Variants in ZNF845 observed in about 807,000 individuals in gnomAD.
The protein encoded by ZNF845 is zinc finger protein 845.
In ZNF845, 59 loss-of-function variants were observed where a neutral mutation model predicts 76.1. The ratio of observed to expected loss-of-function variants is 0.78; its 90% confidence interval spans 0.63 to 0.96. The LOEUF (loss-of-function observed/expected upper bound fraction) is 0.96. Ranked by LOEUF, ZNF845 falls within the 40% of genes least tolerant of loss-of-function variation. The pLI is 0.00. For missense variants in ZNF845, 1,045 were observed against 1,172.8 expected, an observed-to-expected ratio of 0.89 and a Z score of 1.59; for synonymous variants, 361 against 386.9, an observed-to-expected ratio of 0.93 and a Z score of 0.78.
Position 53,351,767 on chromosome 19 carries a change from C to A in ZNF845, c.1092C>A (p.Phe364Leu). 6.2e-7 allele frequency: 1 copy of A among 1,613,926 alleles called. No homozygotes were observed. The highest frequency in any genetic ancestry group is 8.5e-7 in the Non-Finnish European group (1 of 1,179,980). The stretch of plus-strand genomic sequence containing the variant: ...AATGTGAAGAATGTGACAAAGCTTT[C>A]AGTTTCAAATCAAACCTTGAAAGAC... ...PYKCEECDKAFSFKSNLERHR... is the reference protein window; with the variant it reads ...PYKCEECDKALSFKSNLERHR... The change falls in exon 4 of 4, where the codon TTC becomes TTA. Residue 364 changes from phenylalanine to leucine, a missense_variant. Transcript: ENST00000458035.
In ZNF845 at chr19:53,352,905, G is replaced by A; in HGVS notation, c.2230G>A (p.Glu744Lys). 1 of 1,614,090 alleles carries A rather than the reference G, an allele frequency of 6.2e-7. No homozygotes were observed. ...ATGCCATCTTAGACTTCATACTGGA[G>A]AGAAACCTTACAAATGTGAAGAATG... The part of the protein sequence containing the change: ...LTCHLRLHTG[E>K]KPYKCEECDK... Residue 744 changes from glutamate (E) to lysine (K), a missense_variant, in exon 4 of 4, where the codon GAG (glutamate) becomes AAG (lysine). Coordinates refer to ENST00000458035, the MANE Select transcript of ZNF845 (RefSeq NM_138374.3).
chr19:53,337,792 C>T lies in ZNF845; in HGVS notation c.-73-3443C>T, dbSNP rs560629833. Among the ~76,000 whole-genome samples, 14 of 152,174 alleles carry T rather than the reference C, an allele frequency of 9.2e-5. No homozygotes were observed. In the South Asian group the frequency reaches 2.3e-3, roughly 25 times the overall value. ...TCTTGGTCAGGCTGGTCTCGAACTC[C>T]AGACCTTAAGTAATCCACCTGCCTT... On this transcript the variant is annotated intron_variant, in intron 1 of 3. Transcript: ENST00000458035.
intron 3 of ZNF845, among the ~76,000 whole-genome samples, chr19:53,350,184 A>G (rs2085323455): frequency 6.6e-6 from 1 of 151,684 alleles, no homozygotes. Flanking sequence ...CCCAGGCTGA[A>G]GTACAGTGGT....
Position 53,345,492 on chromosome 19 carries a change from T to C in ZNF845, c.16-14T>C. On this transcript the variant is annotated splice_polypyrimidine_tract_variant and intron_variant, in intron 2 of 3. Transcript: ENST00000458035. ...CTCCCATAACCATTTCCTTAAAATG[T>C]GTTTTCATTTCAGGGTCTATTGACA... 2 of 1,613,622 alleles carry C rather than the reference T, an allele frequency of 1.2e-6. No individual in the cohort carries two copies. Among genetic ancestry groups the C allele is most frequent in the Non-Finnish European group, 1.7e-6 (2 of 1,179,706 alleles).
At chr19:53,337,401 A>G (rs1038969299) in intron 1 of ZNF845, among the ~76,000 whole-genome samples, 2 of 151,596 alleles carry the variant, frequency 1.3e-5, no homozygotes, top group African/African-American at 4.9e-5. Flanking sequence ...TTTTTTTTAG[A>G]CAGAGTCTCA....
chr19:53,344,258 G>A (rs894083966), intron 2 of ZNF845, among the ~76,000 whole-genome samples: 7 of 152,116 alleles, frequency 4.6e-5, no homozygotes, highest in Admixed American at 1.3e-4. Flanking sequence ...AAGTTTCTGG[G>A]CCAGGCACGG....
intron 2 of ZNF845, among the ~76,000 whole-genome samples, chr19:53,341,553 C>A (rs867401962): frequency 6.6e-6 from 1 of 152,112 alleles, no homozygotes; most frequent in Admixed American, 6.5e-5. Context: ...GGGCTCACAC[C>A]GAGACATGGA....
intron 3 of ZNF845, among the ~76,000 whole-genome samples, chr19:53,347,938 C>T (rs1354143215): frequency 1.3e-5 from 2 of 152,156 alleles, no homozygotes; most frequent in Non-Finnish European, 2.9e-5. Context: ...GCCTGTAATC[C>T]CAGTTCTTTG....
Position 53,350,872 on chromosome 19 carries a change from C to T in ZNF845, c.197C>T (p.Thr66Ile), listed in dbSNP as rs774544737. The change falls in exon 4 of 4, where the codon ACA (threonine) becomes ATA (isoleucine). Residue 66 changes from threonine (T) to isoleucine (I), a missense_variant. Coordinates refer to ENST00000458035, the MANE Select transcript of ZNF845 (RefSeq NM_138374.3). ...KEFSSTAQGN[T>I]EVIHTGTLQR... is the part of the protein sequence containing the mutation. Reference sequence around the variant, plus strand: ...TTCTCATCAACAGCACAAGGCAATACAGAAGTGATCCACACAGGGACATTG... The same window carrying T: ...TTCTCATCAACAGCACAAGGCAATATAGAAGTGATCCACACAGGGACATTG... 1.8e-5 allele frequency: 29 copies of T among 1,614,088 alleles called. No individual in the cohort carries two copies. Among genetic ancestry groups the T allele is most frequent in the Non-Finnish European group, 2.5e-5 (29 of 1,180,018 alleles).
chr19:53,349,174 C>T (rs971985497), intron 3 of ZNF845, among the ~76,000 whole-genome samples: 2 of 151,984 alleles, frequency 1.3e-5, no homozygotes, highest in African/African-American at 4.8e-5. Context: ...ACTTCTTATT[C>T]CTTATAATGC....
rs1367010182 is a variant in ZNF845, at chr19:53,355,423, TTTTTA to T, written c.*1841_*1845del. ...CCACACCTAGCTAATTTATTTATTT[TTTTTA>T]TTTTAGTAAAGACGGGGTTTCACCA... On this transcript the variant is annotated 3_prime_UTR_variant, in exon 4 of 4. Coordinates refer to ENST00000458035, the MANE Select transcript of ZNF845 (RefSeq NM_138374.3). 6.6e-6 allele frequency: 1 copy of T among 151,976 alleles called. No individual in the cohort carries two copies. Among genetic ancestry groups the T allele is most frequent in the Non-Finnish European group, 1.5e-5 (1 of 68,014 alleles). 9.4% of individuals were successfully genotyped at this position (151,976 alleles called of 1,614,324 possible). A position where few individuals can be genotyped will look rare whatever the true frequency, so the allele number is the denominator to read the frequency against.
chr19:53,335,532 A>G (rs2085207330), intron 1 of ZNF845, among the ~76,000 whole-genome samples: 2 of 151,868 alleles, frequency 1.3e-5, no homozygotes, highest in Admixed American at 1.3e-4. Context: ...AATTACTGGG[A>G]TTACAGGTGG....
chr19:53,340,908 C>A lies in ZNF845; in HGVS notation c.-73-327C>A, dbSNP rs2085251779. 3.3e-5 allele frequency: 13 copies of A among 391,838 alleles called. No individual in the cohort carries two copies. In the Admixed American group the frequency reaches 4.6e-4, roughly 14 times the overall value. 24.3% of individuals were successfully genotyped at this position (391,838 alleles called of 1,614,324 possible). A position where few individuals can be genotyped will look rare whatever the true frequency, so the allele number is the denominator to read the frequency against. The stretch of plus-strand genomic sequence containing the variant: ...TGGGCTGTCCCTCTGCTGGAACTCG[C>A]TGGCCCCTCAGCTGCAGGTGCAAAC... On this transcript the variant is annotated intron_variant, in intron 1 of 3. Transcript: ENST00000458035.
Position 53,337,014 on chromosome 19 carries a change from T to C in ZNF845, c.-74+3222T>C, listed in dbSNP as rs1178778297. ...TTTCCCTCAAGGCACCTCTGGTCCA[T>C]GTGGACAAATGTTGAAAGCCCAACT... On this transcript the variant is annotated intron_variant, in intron 1 of 3. Transcript: ENST00000458035. 5 of 439,636 alleles carry C rather than the reference T, an allele frequency of 1.1e-5. No individual in the cohort carries two copies. The East Asian group carries it at 2.8e-4, about 25-fold the overall frequency. The allele number at this position is 439,636 out of a possible 1,614,324, so 27.2% of individuals were successfully genotyped here.
Position 53,351,068 on chromosome 19 carries a change from T to C in ZNF845, c.393T>C (p.Ala131=), listed in dbSNP as rs751351529. Reference sequence around the variant, plus strand: ...CAAACCGACATGATCAAAGGCATGCTGGAAACAAGCCTATTAAAGATCAGC... The same window carrying C: ...CAAACCGACATGATCAAAGGCATGCCGGAAACAAGCCTATTAAAGATCAGC... The part of the protein sequence containing the change: ...GSTNRHDQRH[A]GNKPIKDQLG... Residue 131 remains alanine, a synonymous_variant, in exon 4 of 4, where the codon GCT becomes GCC. Transcript: ENST00000458035. 6.8e-6 allele frequency: 11 copies of C among 1,614,202 alleles called. No individual in the cohort carries two copies. The East Asian group carries it at 2.5e-4, about 36-fold the overall frequency.
chr19:53,340,354 A>C (rs2085247548), intron 1 of ZNF845, among the ~76,000 whole-genome samples: 1 of 152,092 alleles, frequency 6.6e-6, no homozygotes, highest in African/African-American at 2.4e-5. Context: ...GCCCAGCCTC[A>C]TCTCGTGGCT....
At chr19:53,348,859 T>C (rs2085314334) in intron 3 of ZNF845, among the ~76,000 whole-genome samples, 1 of 139,824 alleles carries the variant, frequency 7.2e-6, no homozygotes, top group African/African-American at 2.7e-5. Flanking sequence ...TTTTTTTTTT[T>C]TTTTTTTTTT....
At chr19:53,337,332 C>T (rs1316057765) in intron 1 of ZNF845, among the ~76,000 whole-genome samples, 3 of 148,536 alleles carry the variant, frequency 2.0e-5, no homozygotes, top group Non-Finnish European at 3.0e-5. Flanking sequence ...TATCACGTTA[C>T]TCAGATTTTA....
intron 3 of ZNF845, among the ~76,000 whole-genome samples, chr19:53,349,598 G>A (rs1568739758): frequency 6.6e-6 from 1 of 152,070 alleles, no homozygotes; most frequent in Non-Finnish European, 1.5e-5. Flanking sequence ...AAATTGTTTA[G>A]AATTCTGCAG....
Sources: gnomAD v4.1 joint callset for allele counts (sites outside exome capture counted in the v4.1 genomes callset) on GRCh38, gnomAD v4.1.1 for gene constraint, MANE v1.5 for transcripts, NCBI Gene and HGNC (gene_info 2026-07-23, HGNC 2026-07-21) for gene names.